The following PTPRU variants were observed in gnomAD, a reference collection of about 807,000 sequenced individuals.
The protein encoded by PTPRU is protein tyrosine phosphatase receptor type U, also known as receptor-type tyrosine-protein phosphatase U.
Under a neutral mutation model 166.3 loss-of-function variants are expected in PTPRU, and 69 were observed. The observed-to-expected ratio is 0.41, with a 90% CI of 0.34 to 0.51. PTPRU has a LOEUF of 0.51. Ranked by LOEUF, PTPRU falls within the 20% of genes least tolerant of loss-of-function variation. The pLI, the probability that PTPRU is intolerant of heterozygous loss-of-function variation, is 0.09. For synonymous variants in PTPRU, 793 were observed against 814.0 expected (o/e 0.97, Z 0.44); for missense variants, 1,657 against 2,013.7 (o/e 0.82, Z 3.39).
chr1:29,293,769 C>T (rs1293449205), intron 15 of PTPRU, among the ~76,000 whole-genome samples: 1 of 152,156 alleles, frequency 6.6e-6, no homozygotes, highest in Non-Finnish European at 1.5e-5. Context: ...CCACTGCGCC[C>T]GGACTTTTGG....
At chr1:29,305,995 C>T (rs1687372232) in intron 18 of PTPRU, among the ~76,000 whole-genome samples, 1 of 152,218 alleles carries the variant, frequency 6.6e-6, no homozygotes, top group South Asian at 2.1e-4. Context: ...CAGTTAGCAC[C>T]ATGACCTCAC....
Position 29,259,769 on chromosome 1 carries a change from C to T in PTPRU, c.676-101C>T, listed in dbSNP as rs1399773327. 7.6e-5 allele frequency: 103 copies of T among 1,363,644 alleles called. 1 individual carries two copies. In the South Asian group the frequency reaches 1.4e-3, roughly 18 times the overall value. 84.5% of individuals were successfully genotyped at this position (1,363,644 alleles called of 1,614,324 possible). Reference sequence around the variant, plus strand: ...GAGCGCGGCTCCAGGAACCTATGTCCGCGCGGTGTAGTAGGGACGGCTAAA... The same window carrying T: ...GAGCGCGGCTCCAGGAACCTATGTCTGCGCGGTGTAGTAGGGACGGCTAAA... On this transcript the variant is annotated intron_variant, in intron 5 of 29. Coordinates refer to ENST00000373779, the MANE Select transcript of PTPRU (RefSeq NM_133178.4).
At chr1:29,277,008 A>T (rs967102957) in intron 8 of PTPRU, among the ~76,000 whole-genome samples, 1 of 152,214 alleles carries the variant, frequency 6.6e-6, no homozygotes, top group Non-Finnish European at 1.5e-5. Flanking sequence ...TTTGTTGTCT[A>T]TACAATTGAA....
intron 14 of PTPRU, among the ~76,000 whole-genome samples, chr1:29,289,365 A>T (rs921648687): frequency 6.6e-6 from 1 of 152,098 alleles, no homozygotes; most frequent in South Asian, 2.1e-4. Flanking sequence ...ATGTGAGCAT[A>T]TATCTACATG....
intron 14 of PTPRU, among the ~76,000 whole-genome samples, chr1:29,289,500 C>T (rs1420364485): frequency 2.0e-5 from 3 of 152,114 alleles, no homozygotes; most frequent in African/African-American, 7.2e-5. Flanking sequence ...GGCCTTGGGT[C>T]CTGGTCATTA....
chr1:29,317,696 G>C lies in PTPRU; in HGVS notation c.3514-52G>C, dbSNP rs766196886. On this transcript the variant is annotated intron_variant, in intron 24 of 29. Transcript: ENST00000373779. The surrounding 1 kb of genome is among the most constrained non-coding windows in gnomAD (Gnocchi z 5.6). Reference sequence around the variant, plus strand: ...AGCCTCCTTCATGGGGATGTGAGGAGGCCCAGCAAGCCCTGGACGTAACTC... The same window carrying C: ...AGCCTCCTTCATGGGGATGTGAGGACGCCCAGCAAGCCCTGGACGTAACTC... 6.6e-7 allele frequency: 1 copy of C among 1,525,044 alleles called. No individual in the cohort carries two copies. Among genetic ancestry groups the C allele is most frequent in the African/African-American group, 1.4e-5 (1 of 72,852 alleles). The allele number at this position is 1,525,044 out of a possible 1,614,324, so 94.5% of individuals were successfully genotyped here.
At chr1:29,307,738 T>C (rs1408742760) in intron 18 of PTPRU, among the ~76,000 whole-genome samples, 1 of 151,238 alleles carries the variant, frequency 6.6e-6, no homozygotes, top group East Asian at 1.9e-4. Flanking sequence ...AGTCTGTTTT[T>C]AAATATTATG....
In PTPRU at chr1:29,260,184, C is replaced by T; in HGVS notation, c.850+140C>T. The T allele has an allele frequency of 1.9e-6, 2 of 1,039,074 alleles. No individual in the cohort carries two copies. The highest frequency in any genetic ancestry group is 2.6e-6 in the Non-Finnish European group (2 of 781,124). The allele number at this position is 1,039,074 out of a possible 1,614,324, so 64.4% of individuals were successfully genotyped here. A position where few individuals can be genotyped will look rare whatever the true frequency, so the allele number is the denominator to read the frequency against. ...CGCTGGGGCGCTATCTGAAGATGGG[C>T]CTGTGGAAATGGCAGTGGCCCAGCC... is the stretch of plus-strand genomic sequence containing the variant. On this transcript the variant is annotated intron_variant, in intron 6 of 29. Transcript: ENST00000373779. The surrounding 1 kb of genome is among the most constrained non-coding windows in gnomAD (Gnocchi z 8.3).
chr1:29,284,134 C>G (rs554016965), intron 13 of PTPRU, among the ~76,000 whole-genome samples, 158 bp downstream of exon 13: 1 of 152,206 alleles, frequency 6.6e-6, no homozygotes, highest in East Asian at 1.9e-4. Context: ...TCCATGTGCC[C>G]TACCTCAAGG....
At chr1:29,276,440 C>A (rs925646376) in intron 8 of PTPRU, among the ~76,000 whole-genome samples, 5 of 152,158 alleles carry the variant, frequency 3.3e-5, no homozygotes, top group African/African-American at 7.2e-5. Context: ...CTCAGCCTCC[C>A]AAGTAGCTGG....
chr1:29,269,715 T>C (rs1353061344), intron 7 of PTPRU, among the ~76,000 whole-genome samples: 1 of 152,152 alleles, frequency 6.6e-6, no homozygotes, highest in Non-Finnish European at 1.5e-5. Flanking sequence ...AACAATAATA[T>C]AGCATCAGGC....
At chr1:29,300,664 T>G (rs764253) in intron 15 of PTPRU, among the ~76,000 whole-genome samples, 6 of 152,170 alleles carry the variant, frequency 3.9e-5, no homozygotes, top group East Asian at 1.9e-4. Context: ...AAGCAACCAG[T>G]AATCCAGCTA....
chr1:29,287,443 A>G (rs1459713805), intron 14 of PTPRU, among the ~76,000 whole-genome samples: 1 of 152,080 alleles, frequency 6.6e-6, no homozygotes, highest in African/African-American at 2.4e-5. Flanking sequence ...TGTCTTGTCT[A>G]TATCTCCACA....
intron 1 of PTPRU, among the ~76,000 whole-genome samples, chr1:29,240,270 AT>A (rs1362849437): frequency 6.6e-6 from 1 of 152,102 alleles, no homozygotes; most frequent in African/African-American, 2.4e-5. Context: ...TAGCATTGTA[AT>A]TATTGTAATT....
At chr1:29,292,956 C>T (rs1686709726) in intron 15 of PTPRU, among the ~76,000 whole-genome samples, 1 of 151,746 alleles carries the variant, frequency 6.6e-6, no homozygotes, top group African/African-American at 2.4e-5. Flanking sequence ...GCTGGGATTA[C>T]AGGCACCTGC....
At chr1:29,269,219 CATATATATATAT>C (rs1239721913) in intron 7 of PTPRU, among the ~76,000 whole-genome samples, 3 of 42,398 alleles carry the variant, frequency 7.1e-5, no homozygotes, top group African/African-American at 1.9e-4. Flanking sequence ...AATTTATATA[CATATATATATAT>C]ATATATATAT....
intron 1 of PTPRU, among the ~76,000 whole-genome samples, chr1:29,241,580 TTTCTTCTTC>T (rs369661546): frequency 1.0e-4 from 15 of 149,090 alleles, no homozygotes; most frequent in East Asian, 1.9e-4. Context: ...ATTTTTTTTT[TTTCTTCTTC>T]TTCTTCTTCT....
chr1:29,318,084 T>C (rs1369970098), intron 25 of PTPRU, among the ~76,000 whole-genome samples, 163 bp downstream of exon 25: 1 of 152,174 alleles, frequency 6.6e-6, no homozygotes, highest in Non-Finnish European at 1.5e-5. Context: ...GGAGCTTCCA[T>C]TCAGGGCATT....
At chr1:29,268,229 G>A (rs1462035312) in intron 7 of PTPRU, among the ~76,000 whole-genome samples, 1 of 152,214 alleles carries the variant, frequency 6.6e-6, no homozygotes, top group African/African-American at 2.4e-5. Context: ...GGTTCGGGCT[G>A]CAGATAGAAA....
Sources: allele counts gnomAD v4.1 joint callset (sites outside exome capture counted in the v4.1 genomes callset), GRCh38; gene constraint gnomAD v4.1.1; non-coding constraint Gnocchi (gnomAD v3.1); transcripts MANE v1.5; gene names NCBI Gene and HGNC (gene_info 2026-07-23, HGNC 2026-07-21).